ZCCHC2: variants seen among roughly 807,000 people sequenced by gnomAD.
ZCCHC2 encodes the protein zinc finger CCHC domain-containing protein 2.
In ZCCHC2, 39 loss-of-function variants were observed where a neutral mutation model predicts 103.6. The ratio of observed to expected loss-of-function variants is 0.38; its 90% CI spans 0.29 to 0.49. ZCCHC2 has a LOEUF of 0.49. Among genes scored for constraint, ZCCHC2 ranks in the 20% least tolerant of loss-of-function variants. The pLI, the probability that ZCCHC2 is intolerant of heterozygous loss-of-function variation, is 0.96. For synonymous variants in ZCCHC2, 687 were observed against 608.9 expected, an observed-to-expected ratio of 1.13 and a Z score of -1.89; for missense variants, 1,483 against 1,491.0, an observed-to-expected ratio of 0.99 and a Z score of 0.09.
At chr18:62,528,374 C>T (rs1416471076) in intron 1 of ZCCHC2, among the ~76,000 whole-genome samples, 2 of 152,068 alleles carry the variant, frequency 1.3e-5, no homozygotes, top group African/African-American at 2.4e-5. Flanking sequence ...GTGGGCGGAT[C>T]ACGAGGTCAG....
intron 6 of ZCCHC2, among the ~76,000 whole-genome samples, chr18:62,557,455 T>G (rs933617806): frequency 6.6e-6 from 1 of 152,238 alleles, no homozygotes; most frequent in Non-Finnish European, 1.5e-5. Flanking sequence ...GGCTAACCTT[T>G]AAAGTTTCTC....
chr18:62,567,679 C>T (rs1333908710), intron 11 of ZCCHC2, among the ~76,000 whole-genome samples: 1 of 152,074 alleles, frequency 6.6e-6, no homozygotes, highest in Non-Finnish European at 1.5e-5. Context: ...CGCGGTGGCT[C>T]ACGCCTGTAA....
Position 62,542,511 on chromosome 18 carries a change from G to A in ZCCHC2, c.1065G>A (p.Glu355=). ...TTTTTCTTTCAGCTGTACACATTGA[G>A]AAGATAATGTTGAAAGGAGTCCAGA... ...HRAQREAVHI[E]KIMLKGVQRK... is the part of the protein sequence containing the mutation. Residue 355 remains glutamate (E), a synonymous_variant, in exon 3 of 14, where the codon GAG becomes GAA. Coordinates refer to ENST00000269499, the MANE Select transcript of ZCCHC2 (RefSeq NM_017742.6). 6.4e-7 allele frequency: 1 copy of A among 1,562,258 alleles called. No individual in the cohort carries two copies. Among genetic ancestry groups the A allele is most frequent in the Non-Finnish European group, 8.7e-7 (1 of 1,151,878 alleles).
At chr18:62,576,415 C>A in intron 13 of ZCCHC2, 97 bp from the exon 14 acceptor site, 1 of 1,019,596 alleles carries the variant, frequency 9.8e-7, no homozygotes, top group Non-Finnish European at 1.5e-6. Context: ...GACGAAGGTG[C>A]CTTGTGGAGA....
intron 12 of ZCCHC2, among the ~76,000 whole-genome samples, chr18:62,572,279 A>G (rs532754232): frequency 1.3e-5 from 2 of 152,238 alleles, no homozygotes; most frequent in African/African-American, 4.8e-5. Flanking sequence ...TTCATTGTAC[A>G]TTTATGCTTG....
rs780052797 is a variant in ZCCHC2, at chr18:62,539,686, C to T, written c.945C>T (p.Asn315=). The change falls in exon 2 of 14, where the codon AAC becomes AAT. Residue 315 remains asparagine (N), a synonymous_variant. Coordinates refer to ENST00000269499, the MANE Select transcript of ZCCHC2 (RefSeq NM_017742.6). ...TCTCCCTCTTTCTCATCTAGAACAA[C>T]TCTGCTCATGGTGATTACATGCAAA... The part of the protein sequence containing the change: ...CKFAGPRAQN[N]SAHGDYMQNN... The T allele has an allele frequency of 6.3e-7, 1 of 1,587,168 alleles. No individual in the cohort carries two copies. The highest frequency in any genetic ancestry group is 1.2e-5 in the South Asian group (1 of 86,836).
rs1235199709 is a variant in ZCCHC2 at position 62,558,682 on chromosome 18, T to G, written c.1409-5T>G. On this transcript the variant is annotated splice_polypyrimidine_tract_variant and splice_region_variant and intron_variant, in intron 6 of 13. Transcript: ENST00000269499. The stretch of plus-strand genomic sequence containing the variant: ...AAAGTTAATAGTATTGAATGCTTCC[T>G]GCAGATAACTTACAATCCTCTCTGA... 4 of 1,495,124 alleles carry G rather than the reference T, an allele frequency of 2.7e-6. No individual in the cohort carries two copies. The highest frequency in any genetic ancestry group is 1.3e-5 in the South Asian group (1 of 75,826). 92.6% of individuals were successfully genotyped at this position (1,495,124 alleles called of 1,614,324 possible). A position where few individuals can be genotyped will look rare whatever the true frequency, so the allele number is the denominator to read the frequency against.
chr18:62,563,551 G>C (rs896787298), intron 9 of ZCCHC2, among the ~76,000 whole-genome samples: 3 of 152,276 alleles, frequency 2.0e-5, no homozygotes, highest in African/African-American at 7.2e-5. Context: ...CAGCTACTCG[G>C]GAGGCTGAGG....
rs911797086 is a variant in ZCCHC2, at chr18:62,577,783, A to G, written c.*1204A>G. ...AAAAAAAAGTTTTTTTAAAAAGCCA[A>G]TCTATGTACTAAATTGCTTCCAGGT... On this transcript the variant is annotated 3_prime_UTR_variant, in exon 14 of 14. Transcript: ENST00000269499. 20 of 152,530 alleles carry G rather than the reference A, an allele frequency of 1.3e-4. No homozygotes were observed. Among genetic ancestry groups the G allele is most frequent in the African/African-American group, 4.1e-4 (17 of 41,428 alleles). The allele number at this position is 152,530 out of a possible 1,614,324, so 9.4% of individuals were successfully genotyped here.
At chr18:62,549,600 T>G (rs1312249231) in intron 4 of ZCCHC2, among the ~76,000 whole-genome samples, 2 of 152,234 alleles carry the variant, frequency 1.3e-5, no homozygotes, top group Admixed American at 6.5e-5. Context: ...AAAAGTCAAA[T>G]TTAAAACTGA....
intron 1 of ZCCHC2, among the ~76,000 whole-genome samples, chr18:62,538,744 C>G (rs894373619): frequency 6.6e-6 from 1 of 152,018 alleles, no homozygotes; most frequent in Non-Finnish European, 1.5e-5. Context: ...ACTGTCGGGT[C>G]GGGATGTGTG....
chr18:62,583,323 G>C (rs987192230), downstream of ZCCHC2, among the ~76,000 whole-genome samples: 4 of 111,222 alleles, frequency 3.6e-5, no homozygotes. Flanking sequence ...TGTATGGACT[G>C]TACAGACATG....
intron 5 of ZCCHC2, among the ~76,000 whole-genome samples, chr18:62,553,940 T>G (rs764405652): frequency 3.3e-5 from 5 of 152,238 alleles, no homozygotes; most frequent in Admixed American, 6.5e-5. Flanking sequence ...ATACTCAGAT[T>G]TATTGATCTT....
chr18:62,582,171 A>T (rs1442057378), downstream of ZCCHC2, among the ~76,000 whole-genome samples: 1 of 152,256 alleles, frequency 6.6e-6, no homozygotes, highest in African/African-American at 2.4e-5. Flanking sequence ...GAGGGAAAAC[A>T]CATTGACAGT....
In ZCCHC2 at chr18:62,523,250, C is replaced by G. The variant is rs893483107; in HGVS notation, c.-175C>G. The G allele has an allele frequency of 8.7e-6, 4 of 460,618 alleles. No individual in the cohort carries two copies. Among genetic ancestry groups the G allele is most frequent in the Non-Finnish European group, 1.1e-5 (4 of 350,442 alleles). The allele number at this position is 460,618 out of a possible 1,614,324, so 28.5% of individuals were successfully genotyped here. ...CCCGGGAAGACGACGCCAGCGACCC[C>G]GCCGGCCGGCCACCGCCCCCCTCGC... On this transcript the variant is annotated 5_prime_UTR_variant, in exon 1 of 14. Coordinates refer to ENST00000269499, the MANE Select transcript of ZCCHC2 (RefSeq NM_017742.6).
chr18:62,583,541 T>C (rs1807621038), downstream of ZCCHC2, among the ~76,000 whole-genome samples: 1 of 152,164 alleles, frequency 6.6e-6, no homozygotes, highest in Non-Finnish European at 1.5e-5. Flanking sequence ...AGACATCTTT[T>C]TCACTTCTCC....
chr18:62,549,218 CAAA>C (rs111280144), intron 4 of ZCCHC2, among the ~76,000 whole-genome samples: 2 of 117,358 alleles, frequency 1.7e-5, no homozygotes, highest in East Asian at 2.4e-4. Flanking sequence ...GACTCCGTCT[CAAA>C]AAAAAAAAAA....
chr18:62,560,697 T>C (rs1429318404), intron 8 of ZCCHC2, 53 bp downstream of exon 8: 1 of 1,393,254 alleles, frequency 7.2e-7, no homozygotes, highest in African/African-American at 1.5e-5. Context: ...TTAAAATCAA[T>C]GTAACATTTA....
At chr18:62,532,023 G>T (rs999207921) in intron 1 of ZCCHC2, among the ~76,000 whole-genome samples, 1 of 152,118 alleles carries the variant, frequency 6.6e-6, no homozygotes, top group Non-Finnish European at 1.5e-5. Context: ...GACATTTGAA[G>T]AGATAGTAGG....
Sources: allele counts gnomAD v4.1 joint callset (sites outside exome capture counted in the v4.1 genomes callset), GRCh38; gene constraint gnomAD v4.1.1; transcripts MANE v1.5; gene names NCBI Gene and HGNC (gene_info 2026-07-23, HGNC 2026-07-21).